PRKCA: variants seen among roughly 807,000 people sequenced by gnomAD.
PRKCA encodes the protein protein kinase C alpha.
A neutral mutation model predicts 87.0 loss-of-function variants in PRKCA; 27 were observed. The observed-to-expected ratio is 0.31, with a 90% CI of 0.23 to 0.43. The LOEUF (loss-of-function observed/expected upper bound fraction) is 0.43, where lower values mean the gene tolerates loss of function less well. Ranked by LOEUF, PRKCA falls within the 20% of genes least tolerant of loss-of-function variation. PRKCA has a pLI of 1.00. For missense variants in PRKCA, 518 were observed against 852.3 expected (o/e 0.61, Z 4.88); for synonymous variants, 329 against 311.1 (o/e 1.06, Z -0.61).
intron 14 of PRKCA, among the ~76,000 whole-genome samples, chr17:66,779,053 G>A (rs1975138009): frequency 6.6e-6 from 1 of 152,098 alleles, no homozygotes; most frequent in Non-Finnish European, 1.5e-5. Context: ...GCTCAGAAAG[G>A]ATAATGAAGG....
At chr17:66,362,201 A>G (rs781139574) in intron 2 of PRKCA, among the ~76,000 whole-genome samples, 19 of 152,042 alleles carry the variant, frequency 1.2e-4, no homozygotes, top group Non-Finnish European at 2.4e-4. Context: ...ACACTGGAGT[A>G]ACTTTTTGTA....
chr17:66,562,107 TATATATATAATTAAATATATATAATTAAA>T (rs1968710882), intron 3 of PRKCA, among the ~76,000 whole-genome samples: 1 of 103,936 alleles, frequency 9.6e-6, no homozygotes, highest in Admixed American at 1.0e-4. Flanking sequence ...ATAATTAAAT[TATATATATAATTAAATATATATAATTAAA>T]TTATATATAT....
At position 66,435,891 on chromosome 17, in the gene PRKCA, A is replaced by G. The variant is rs142421192; in HGVS notation, c.206-60310A>G. On this transcript the variant is annotated intron_variant, in intron 2 of 16. Coordinates refer to ENST00000413366, the MANE Select transcript of PRKCA (RefSeq NM_002737.3). ...AGGAGATTGCGTGTTTGACATGACCATCGTGAAGGACCCATGCTCTGTTGA... is the reference window on the plus strand; with the variant it reads ...AGGAGATTGCGTGTTTGACATGACCGTCGTGAAGGACCCATGCTCTGTTGA... Among the ~76,000 whole-genome samples the G allele has an allele frequency of 9.6e-3, 1,457 of 152,232 alleles. 8 individuals are homozygous for G. Among genetic ancestry groups the G allele is most frequent in the Admixed American group, 0.013 (203 of 15,290 alleles).
intron 13 of PRKCA, among the ~76,000 whole-genome samples, chr17:66,765,180 G>A (rs1229534660): frequency 6.6e-6 from 1 of 151,904 alleles, no homozygotes; most frequent in African/African-American, 2.4e-5. Context: ...TTGGGAGGCC[G>A]AGGCAGGCAG....
chr17:66,399,031 G>A (rs1447957002), intron 2 of PRKCA, among the ~76,000 whole-genome samples: 2 of 151,964 alleles, frequency 1.3e-5, no homozygotes, highest in East Asian at 3.9e-4. Context: ...GCTGTAGAAA[G>A]CACAGAGGAA....
chr17:66,591,071 C>A (rs538825996), intron 3 of PRKCA, among the ~76,000 whole-genome samples: 3 of 152,148 alleles, frequency 2.0e-5, no homozygotes, highest in Non-Finnish European at 1.5e-5. Flanking sequence ...CCGCATTTTC[C>A]ACATCTGTGA....
At chr17:66,535,520 G>C (rs974065931) in intron 3 of PRKCA, among the ~76,000 whole-genome samples, 1 of 152,176 alleles carries the variant, frequency 6.6e-6, no homozygotes. Flanking sequence ...TAACTGATGG[G>C]GTGGGTGTCC....
intron 8 of PRKCA, among the ~76,000 whole-genome samples, chr17:66,727,913 C>A (rs530410522): frequency 6.6e-6 from 1 of 152,246 alleles, no homozygotes; most frequent in South Asian, 2.1e-4. Context: ...CCTCAGGCAT[C>A]CCCCACCCCC....
intron 8 of PRKCA, among the ~76,000 whole-genome samples, chr17:66,729,200 G>A (rs1402564835): frequency 6.6e-6 from 1 of 151,940 alleles, no homozygotes; most frequent in Non-Finnish European, 1.5e-5. Context: ...TCAGGAGTTC[G>A]AGACCAACCT....
In PRKCA at chr17:66,302,811, C is replaced by G. The variant is rs758450669; in HGVS notation, c.-41C>G. On this transcript the variant is annotated 5_prime_UTR_variant, in exon 1 of 17. Coordinates refer to ENST00000413366, the MANE Select transcript of PRKCA (RefSeq NM_002737.3). ...CCCCGCCCACCCGGCCCTCCGCGGC[C>G]GCAGCTCCCCGGCGGAGGCAAGAGG... The G allele has an allele frequency of 8.2e-6, 12 of 1,469,052 alleles. No individual in the cohort carries two copies. Among genetic ancestry groups the G allele is most frequent in the South Asian group, 1.3e-5 (1 of 78,280 alleles). The allele number at this position is 1,469,052 out of a possible 1,614,324, so 91.0% of individuals were successfully genotyped here.
At chr17:66,735,739 C>T (rs371252516) in intron 10 of PRKCA, 77 bp downstream of exon 10, 1 of 1,507,772 alleles carries the variant, frequency 6.6e-7, no homozygotes, top group Non-Finnish European at 9.0e-7. Flanking sequence ...TCTTAGCATC[C>T]TTGTTCCTTT....
chr17:66,357,566 G>T (rs1908139825), intron 2 of PRKCA, among the ~76,000 whole-genome samples: 1 of 152,162 alleles, frequency 6.6e-6, no homozygotes, highest in African/African-American at 2.4e-5. Context: ...ATTACAACAG[G>T]GTTGAATACT....
intron 2 of PRKCA, among the ~76,000 whole-genome samples, chr17:66,346,256 C>A (rs1907356029): frequency 6.6e-6 from 1 of 151,872 alleles, no homozygotes; most frequent in South Asian, 2.1e-4. Flanking sequence ...GCCACCACGC[C>A]TGGCTAATTT....
chr17:66,495,988 C>T (rs998913170), intron 2 of PRKCA, among the ~76,000 whole-genome samples: 2 of 152,182 alleles, frequency 1.3e-5, no homozygotes, highest in African/African-American at 2.4e-5. Context: ...GTGGCCCTGT[C>T]AGTGCTGGCA....
At chr17:66,304,118 C>T (rs1033352941) in intron 1 of PRKCA, among the ~76,000 whole-genome samples, 6 of 152,142 alleles carry the variant, frequency 3.9e-5, no homozygotes, top group African/African-American at 1.4e-4. Context: ...ATCAGGTAAT[C>T]GCCAATGAAT....
intron 1 of PRKCA, among the ~76,000 whole-genome samples, chr17:66,305,665 C>T (rs1214151898): frequency 6.6e-6 from 1 of 152,186 alleles, no homozygotes; most frequent in East Asian, 1.9e-4. Flanking sequence ...AAAAAGAAGC[C>T]ACTTTGTTAT....
At chr17:66,454,951 A>T (rs892536896) in intron 2 of PRKCA, among the ~76,000 whole-genome samples, 2 of 152,214 alleles carry the variant, frequency 1.3e-5, no homozygotes, top group African/African-American at 4.8e-5. Flanking sequence ...CAGGTGCCTG[A>T]CCACAGGATG....
chr17:66,434,028 G>C (rs1281271837), intron 2 of PRKCA, among the ~76,000 whole-genome samples: 1 of 152,088 alleles, frequency 6.6e-6, no homozygotes, highest in African/African-American at 2.4e-5. Flanking sequence ...CCTGAGCCAG[G>C]AGCAGCAGAG....
intron 2 of PRKCA, among the ~76,000 whole-genome samples, chr17:66,448,695 A>C (rs1914158517): frequency 6.6e-6 from 1 of 152,122 alleles, no homozygotes; most frequent in African/African-American, 2.4e-5. Context: ...TTGACATATG[A>C]TTTGATTTAC....
Sources: gnomAD v4.1 joint callset for allele counts (sites outside exome capture counted in the v4.1 genomes callset) on GRCh38, gnomAD v4.1.1 for gene constraint, MANE v1.5 for transcripts, NCBI Gene and HGNC (gene_info 2026-07-23, HGNC 2026-07-21) for gene names.